The following RPTOR variants were observed in gnomAD, a reference collection of about 807,000 sequenced individuals.
RPTOR encodes regulatory-associated protein of mTOR.
Under a neutral mutation model 169.9 loss-of-function variants are expected in RPTOR, and 21 were observed. The ratio of observed to expected loss-of-function variants is 0.12; its 90% CI spans 0.09 to 0.18. RPTOR has a LOEUF of 0.18. Ranked by LOEUF, RPTOR falls within the 10% of genes least tolerant of loss-of-function variation. The pLI, the probability that RPTOR is intolerant of heterozygous loss-of-function variation, is 1.00. For synonymous variants in RPTOR, 732 were observed against 753.2 expected (o/e 0.97, Z 0.46); for missense variants, 1,133 against 1,855.9 (o/e 0.61, Z 7.16).
intron 3 of RPTOR, among the ~76,000 whole-genome samples, chr17:80,706,620 G>A (rs529635752): frequency 3.4e-4 from 52 of 152,350 alleles, no homozygotes; most frequent in Non-Finnish European, 7.2e-4. Context: ...CGTGCCCCCA[G>A]CCTCGCTGTC....
intron 3 of RPTOR, among the ~76,000 whole-genome samples, chr17:80,675,857 G>A (rs1245165143): frequency 6.6e-6 from 1 of 152,170 alleles, no homozygotes; most frequent in Non-Finnish European, 1.5e-5. Flanking sequence ...CCACCACATT[G>A]CTGGACATTT....
chr17:80,938,871 A>G (rs1368427149), intron 24 of RPTOR, among the ~76,000 whole-genome samples: 1 of 152,222 alleles, frequency 6.6e-6, no homozygotes, highest in Non-Finnish European at 1.5e-5. Context: ...AGAGACACAA[A>G]GAATGCTCTG....
In RPTOR at chr17:80,583,483, G is replaced by C. The variant is rs560717618; in HGVS notation, c.162+37692G>C. ...CGGGATTATAGGTGTGAGCCACTGC[G>C]CCCAGCTGTTCACTGCCTCTTTCTG... On this transcript the variant is annotated intron_variant, in intron 1 of 33. Transcript: ENST00000306801. Among the ~76,000 whole-genome samples the C allele has an allele frequency of 2.0e-3, 310 of 152,268 alleles. 2 individuals carry two copies. Among genetic ancestry groups the C allele is most frequent in the African/African-American group, 7.2e-3 (300 of 41,572 alleles).
In RPTOR at chr17:80,561,480, G is replaced by C. The variant is rs1236706614; in HGVS notation, c.162+15689G>C. On this transcript the variant is annotated intron_variant, in intron 1 of 33. Coordinates refer to ENST00000306801, the MANE Select transcript of RPTOR (RefSeq NM_020761.3). ...GGGTCTCACTGTGTCACTGAGGCTG[G>C]AGTGCAGTGGCACAATCACCGCTTA... 2.6e-5 allele frequency among the ~76,000 whole-genome samples: 4 copies of C among 151,430 alleles called. No individual in the cohort carries two copies. The East Asian group carries it at 7.7e-4, about 29-fold the overall frequency.
At chr17:80,781,855 G>C (rs901669157) in intron 6 of RPTOR, among the ~76,000 whole-genome samples, 1 of 152,236 alleles carries the variant, frequency 6.6e-6, no homozygotes. Context: ...GGCTATGATT[G>C]TGCGTGGCTT....
intron 9 of RPTOR, among the ~76,000 whole-genome samples, chr17:80,831,793 G>A (rs913272836): frequency 1.3e-5 from 2 of 151,834 alleles, no homozygotes; most frequent in Non-Finnish European, 2.9e-5. Flanking sequence ...ATCCCTGTGT[G>A]TCACCGTGTA....
intron 13 of RPTOR, among the ~76,000 whole-genome samples, chr17:80,875,716 TC>T (rs1310668219): frequency 6.7e-6 from 1 of 148,680 alleles, no homozygotes; most frequent in East Asian, 2.0e-4. Context: ...TGCCGGGTCT[TC>T]CACCGAGCCC....
rs572284294 is a variant in RPTOR at position 80,712,354 on chromosome 17, G to A, written c.507+4355G>A. ...GTGGTGTCCTTCAAGTCCTCTGTGC[G>A]CCCCCTCATCTTCTCTCCCCTAGCA... On this transcript the variant is annotated intron_variant, in intron 4 of 33. Transcript: ENST00000306801. Among the ~76,000 whole-genome samples the A allele has an allele frequency of 1.1e-3, 168 of 152,094 alleles. 1 individual carries two copies. The highest frequency in any genetic ancestry group is 5.4e-3 in the Admixed American group (83 of 15,270).
chr17:80,964,580 C>CT lies in RPTOR; in HGVS notation c.*250_*251insT, dbSNP rs1304254969. 5 of 564,946 alleles carry CT rather than the reference C, an allele frequency of 8.9e-6. No individual in the cohort carries two copies. Among genetic ancestry groups the CT allele is most frequent in the Non-Finnish European group, 1.3e-5 (4 of 314,706 alleles). The allele number at this position is 564,946 out of a possible 1,614,324, so 35.0% of individuals were successfully genotyped here. A position where few individuals can be genotyped will look rare whatever the true frequency, so the allele number is the denominator to read the frequency against. ...CACTGAGCACCAGCATCCAGGTGCA[C>CT]CCCCGCGGCCACGGCGCCTCTGTCC... On this transcript the variant is annotated 3_prime_UTR_variant, in exon 34 of 34. Coordinates refer to ENST00000306801, the MANE Select transcript of RPTOR (RefSeq NM_020761.3).
intron 4 of RPTOR, among the ~76,000 whole-genome samples, chr17:80,722,064 T>C (rs1245184365): frequency 6.6e-6 from 1 of 151,098 alleles, no homozygotes; most frequent in Non-Finnish European, 1.5e-5. Context: ...AATATTTTAT[T>C]ATAAAATTCA....
intron 24 of RPTOR, among the ~76,000 whole-genome samples, chr17:80,930,446 C>CTTCAG (rs1567993888): frequency 5.3e-5 from 4 of 75,272 alleles, no homozygotes; most frequent in Admixed American, 1.4e-4. Flanking sequence ...CCCAGCTCAT[C>CTTCAG]CTCAGCTCAT....
chr17:80,725,927 A>G (rs1337280934), intron 4 of RPTOR, among the ~76,000 whole-genome samples: 1 of 152,186 alleles, frequency 6.6e-6, no homozygotes, highest in African/African-American at 2.4e-5. Context: ...AACCAGGGAA[A>G]CTTTTCCCCT....
In RPTOR at chr17:80,742,034, G is replaced by A. The variant is rs759450881; in HGVS notation, c.654+11328G>A. ...ACACGAGGAGGACTGAGGATGGACC[G>A]TTGTATTTGTGCACACGGGGCCATT... On this transcript the variant is annotated intron_variant, in intron 5 of 33. Transcript: ENST00000306801. Among the ~76,000 whole-genome samples, 9 of 152,170 alleles carry A rather than the reference G, an allele frequency of 5.9e-5. 1 individual carries two copies. Among genetic ancestry groups the A allele is most frequent in the Admixed American group, 1.3e-4 (2 of 15,284 alleles).
intron 1 of RPTOR, among the ~76,000 whole-genome samples, chr17:80,565,396 T>C (rs1424410666): frequency 6.6e-6 from 1 of 152,112 alleles, no homozygotes; most frequent in African/African-American, 2.4e-5. Context: ...GGGGAGGTGG[T>C]GGTCACACAC....
rs2084263999 is a variant in RPTOR, at chr17:80,545,572, A to T, written c.-58A>T. On this transcript the variant is annotated 5_prime_UTR_variant, in exon 1 of 34. Transcript: ENST00000306801. ...CCAATTCTGGTACACGCTAGTTTTT[A>T]AGGCTGGAGGTTCTCGAGCGCTTGC... 4 of 1,353,712 alleles carry T rather than the reference A, an allele frequency of 3.0e-6. No homozygotes were observed. Among genetic ancestry groups the T allele is most frequent in the Non-Finnish European group, 3.1e-6 (3 of 979,330 alleles). 83.9% of individuals were successfully genotyped at this position (1,353,712 alleles called of 1,614,324 possible).
intron 1 of RPTOR, among the ~76,000 whole-genome samples, chr17:80,561,463 C>G (rs547601453): frequency 2.6e-5 from 4 of 151,212 alleles, no homozygotes; most frequent in African/African-American, 9.8e-5. Flanking sequence ...CAGGGTCTCA[C>G]TGTGTCACTG....
At chr17:80,697,206 C>T (rs1049226575) in intron 3 of RPTOR, among the ~76,000 whole-genome samples, 3 of 152,202 alleles carry the variant, frequency 2.0e-5, no homozygotes, top group Admixed American at 6.5e-5. Flanking sequence ...TGGGAAAATC[C>T]CTCCAGTGTG....
chr17:80,876,873 G>A (rs567279919), intron 13 of RPTOR, among the ~76,000 whole-genome samples: 46 of 142,788 alleles, frequency 3.2e-4, no homozygotes, highest in Non-Finnish European at 4.6e-4. Context: ...TCGCCTGCTG[G>A]GTTTTCCACC....
In RPTOR at chr17:80,748,096, G is replaced by A. The variant is rs55879627; in HGVS notation, c.655-5914G>A. ...GGACTGCGGTGTGTGTTTAGAGGCC[G>A]TGGCGGGAGGACCTGTTGGGTGGAT... On this transcript the variant is annotated intron_variant, in intron 5 of 33. Transcript: ENST00000306801. 2.8e-3 allele frequency among the ~76,000 whole-genome samples: 299 copies of A among 108,112 alleles called. 1 individual carries two copies. Among genetic ancestry groups the A allele is most frequent in the Non-Finnish European group, 3.8e-3 (214 of 55,760 alleles). The allele number at this position is 108,112 out of a possible 152,430, so 70.9% of individuals were successfully genotyped here. A position where few individuals can be genotyped will look rare whatever the true frequency, so the allele number is the denominator to read the frequency against.
Sources: gnomAD v4.1 joint callset for allele counts (sites outside exome capture counted in the v4.1 genomes callset) on GRCh38, gnomAD v4.1.1 for gene constraint, MANE v1.5 for transcripts, NCBI Gene and HGNC (gene_info 2026-07-23, HGNC 2026-07-21) for gene names.